COL6A2: variants seen among roughly 807,000 people sequenced by gnomAD.
COL6A2 encodes the protein collagen type VI alpha 2 chain.
COL6A2 carries 90 observed loss-of-function variants against 124.9 expected under a neutral mutation model. The ratio of observed to expected loss-of-function variants is 0.72; its 90% CI spans 0.61 to 0.86. The LOEUF (loss-of-function observed/expected upper bound fraction) is 0.86. Among genes scored for constraint, COL6A2 ranks in the 40% least tolerant of loss-of-function variants. The pLI is 0.00. For missense variants in COL6A2, 1,607 were observed against 1,502.5 expected (o/e 1.07, Z -1.15); for synonymous variants, 793 against 618.2 (o/e 1.28, Z -4.19).
At chr21:46,102,131 T>C (rs73159683) in intron 1 of COL6A2, among the ~76,000 whole-genome samples, 1 of 152,270 alleles carries the variant, frequency 6.6e-6, no homozygotes, top group Non-Finnish European at 1.5e-5. Context: ...AAGTCAATTT[T>C]TAAGTATTTT....
In COL6A2 at chr21:46,116,120, C is replaced by T. The variant is rs564061388; in HGVS notation, c.900+67C>T. 1.6e-5 allele frequency: 24 copies of T among 1,501,002 alleles called. No homozygotes were observed. Among genetic ancestry groups the T allele is most frequent in the African/African-American group, 5.5e-5 (4 of 72,172 alleles). The allele number at this position is 1,501,002 out of a possible 1,614,324, so 93.0% of individuals were successfully genotyped here. ...CCAGCACTGCCAGGCAGGCTCCCCCCAGCCCAGCCTCGGCCTCAGCCTCTA... is the reference window on the plus strand; with the variant it reads ...CCAGCACTGCCAGGCAGGCTCCCCCTAGCCCAGCCTCGGCCTCAGCCTCTA... On this transcript the variant is annotated intron_variant, in intron 7 of 27. Transcript: ENST00000300527. The surrounding 1 kb of genome is among the most constrained non-coding windows in gnomAD (Gnocchi z 4.6).
intron 27 of COL6A2, among the ~76,000 whole-genome samples, chr21:46,131,017 C>G (rs2839121): frequency 0.25 from 37,589 of 152,134 alleles, 5,783 homozygotes; most frequent in African/African-American, 0.44. Flanking sequence ...CCAGGGCCCC[C>G]AGAAACCGAG....
chr21:46,127,903 C>T (rs1282192437), intron 27 of COL6A2, among the ~76,000 whole-genome samples: 2 of 152,206 alleles, frequency 1.3e-5, no homozygotes, highest in Admixed American at 1.3e-4. Context: ...ATTGAATTTC[C>T]AGTGTTGAGC....
chr21:46,116,891 C>G lies in COL6A2; in HGVS notation c.999+77C>G. 2 of 1,427,372 alleles carry G rather than the reference C, an allele frequency of 1.4e-6. No individual in the cohort carries two copies. Among genetic ancestry groups the G allele is most frequent in the Non-Finnish European group, 2.0e-6 (2 of 1,014,256 alleles). 88.4% of individuals were successfully genotyped at this position (1,427,372 alleles called of 1,614,324 possible). A position where few individuals can be genotyped will look rare whatever the true frequency, so the allele number is the denominator to read the frequency against. On this transcript the variant is annotated intron_variant, in intron 10 of 27. Coordinates refer to ENST00000300527, the MANE Select transcript of COL6A2 (RefSeq NM_001849.4). The surrounding 1 kb of genome is among the most constrained non-coding windows in gnomAD (Gnocchi z 4.6). Reference sequence around the variant, plus strand: ...GCCTCTGCAGGGCCCCCAGATCCAGCCTGATCTGTCAGCTTACACATGTGT... The same window carrying G: ...GCCTCTGCAGGGCCCCCAGATCCAGGCTGATCTGTCAGCTTACACATGTGT...
Position 46,132,313 on chromosome 21 carries a change from G to T in COL6A2, c.2821G>T (p.Glu941Ter). ...GCGTGGCGGGGCCCGGAGGCACGCA[G>T]AGCTGTCCTTCGTGTTCCTCACGGA... ...SPRGGARRHAELSFVFLTDGV... is the reference protein window; with the variant it reads ...SPRGGARRHA The change falls in exon 28 of 28, where the codon GAG becomes TAG. Residue 941 changes from glutamate (E) to a stop codon, truncating the protein, a stop_gained. Coordinates refer to ENST00000300527, the MANE Select transcript of COL6A2 (RefSeq NM_001849.4). LOFTEE classifies it high-confidence loss of function. 2 of 1,607,084 alleles carry T rather than the reference G, an allele frequency of 1.2e-6. No individual in the cohort carries two copies.
intron 20 of COL6A2, 48 bp downstream of exon 20, chr21:46,122,579 C>T: frequency 2.5e-6 from 4 of 1,597,054 alleles, no homozygotes; most frequent in Non-Finnish European, 3.4e-6. Flanking sequence ...TGGGGGTCTG[C>T]ACGCCCAATT....
Position 46,125,328 on chromosome 21 carries a change from G to T in COL6A2, c.1816+17G>T, listed in dbSNP as rs746141660. The T allele has an allele frequency of 2.0e-6, 3 of 1,492,766 alleles. No individual in the cohort carries two copies. The highest frequency in any genetic ancestry group is 1.7e-5 in the Admixed American group (1 of 57,216). The allele number at this position is 1,492,766 out of a possible 1,614,324, so 92.5% of individuals were successfully genotyped here. On this transcript the variant is annotated intron_variant, in intron 24 of 27. Coordinates refer to ENST00000300527, the MANE Select transcript of COL6A2 (RefSeq NM_001849.4). ...GGTGCTGCGGTGAGGCACTGCCCAC[G>T]GCAGGGTCGGGGCCCATGCACCGGG... is the stretch of plus-strand genomic sequence containing the variant.
rs114008288 is a variant in COL6A2, at chr21:46,114,130, T to C, written c.801+57T>C. The C allele has an allele frequency of 8.6e-3, 12,838 of 1,490,652 alleles. 561 individuals carry two copies. Among genetic ancestry groups the C allele is most frequent in the South Asian group, 0.081 (7,156 of 88,588 alleles). 92.3% of individuals were successfully genotyped at this position (1,490,652 alleles called of 1,614,324 possible). On this transcript the variant is annotated intron_variant, in intron 5 of 27. Coordinates refer to ENST00000300527, the MANE Select transcript of COL6A2 (RefSeq NM_001849.4). ...GCTACCAGGAAGCCCCTGATTTGTT[T>C]TGAAATCCACACTTGGCCGGGCGTG...
intron 4 of COL6A2, 107 bp downstream of exon 4, chr21:46,112,931 G>A (rs2078425438): frequency 1.4e-6 from 2 of 1,424,112 alleles, no homozygotes; most frequent in South Asian, 1.2e-5. Context: ...ACAGATGAGA[G>A]GAGAGGGAGT....
chr21:46,132,042 C>G lies in COL6A2; in HGVS notation c.2550C>G (p.His850Gln), dbSNP rs1220536956. ...AGCGGCTGGGTGAGCAGAACTTCCA[C>G]AAGGCCCGGCGCTTCGTGGAGCAGG... is the stretch of plus-strand genomic sequence containing the variant. ...GSERLGEQNF[H>Q]KARRFVEQVA... The change falls in exon 28 of 28, where the codon CAC becomes CAG. Residue 850 changes from histidine (H) to glutamine (Q), a missense_variant. By Grantham distance (24) the His-to-Gln change is conservative. Transcript: ENST00000300527. 2 of 1,608,054 alleles carry G rather than the reference C, an allele frequency of 1.2e-6. No individual in the cohort carries two copies. The highest frequency in any genetic ancestry group is 1.7e-5 in the Admixed American group (1 of 59,880).
chr21:46,126,465 T>C lies in COL6A2; in HGVS notation c.2423-38T>C, dbSNP rs761396650. 4 of 1,596,520 alleles carry C rather than the reference T, an allele frequency of 2.5e-6. No individual in the cohort carries two copies. In the Admixed American group the frequency reaches 6.7e-5, roughly 27 times the overall value. ...CGGCCGCTGAGGGTTCGCTAGGGAC[T>C]GACCCTGGCCTGGCCCGGCCTCTCT... is the stretch of plus-strand genomic sequence containing the variant. On this transcript the variant is annotated intron_variant, in intron 26 of 27. Transcript: ENST00000300527.
chr21:46,115,828 G>A (rs745955750), intron 5 of COL6A2, 44 bp from the exon 6 acceptor site: 14 of 1,594,002 alleles, frequency 8.8e-6, no homozygotes, highest in Admixed American at 5.0e-5. Flanking sequence ...GCTGCCTACC[G>A]CCCACCCTAC....
At chr21:46,131,498 GTT>G (rs1568946685) in intron 27 of COL6A2, among the ~76,000 whole-genome samples, 1 of 152,232 alleles carries the variant, frequency 6.6e-6, no homozygotes, top group Non-Finnish European at 1.5e-5. Flanking sequence ...AGCTCTAGGT[GTT>G]CTGAGCAGCT....
chr21:46,102,676 T>C (rs1353048295), intron 1 of COL6A2, among the ~76,000 whole-genome samples: 2 of 151,674 alleles, frequency 1.3e-5, no homozygotes, highest in African/African-American at 4.8e-5. Flanking sequence ...TTTTCCTCCT[T>C]CATTCTGTTA....
chr21:46,115,580 G>A (rs372164318), intron 5 of COL6A2, among the ~76,000 whole-genome samples: 5 of 152,222 alleles, frequency 3.3e-5, no homozygotes, highest in East Asian at 1.9e-4. Flanking sequence ...GCTACTGGGT[G>A]CAGAAGGGAC....
intron 4 of COL6A2, 48 bp downstream of exon 4, chr21:46,112,872 G>A: frequency 6.2e-7 from 1 of 1,612,694 alleles, no homozygotes; most frequent in Non-Finnish European, 8.5e-7. Flanking sequence ...AGCTGACCCA[G>A]CAGAGATGAC....
chr21:46,117,599 C>G lies in COL6A2; in HGVS notation c.1053+146C>G, dbSNP rs920428169. 25 of 900,216 alleles carry G rather than the reference C, an allele frequency of 2.8e-5. No homozygotes were observed. In the African/African-American group the frequency reaches 3.8e-4, roughly 14 times the overall value. The allele number at this position is 900,216 out of a possible 1,614,324, so 55.8% of individuals were successfully genotyped here. Reference sequence around the variant, plus strand: ...AGCCCAGCAGCCCCAGCCCAGCATTCTGCCGGGTCGGAGTCATGTGAGGAA... The same window carrying G: ...AGCCCAGCAGCCCCAGCCCAGCATTGTGCCGGGTCGGAGTCATGTGAGGAA... On this transcript the variant is annotated intron_variant, in intron 11 of 27. Coordinates refer to ENST00000300527, the MANE Select transcript of COL6A2 (RefSeq NM_001849.4).
At chr21:46,121,026 TCAAGAGAACCC>T in intron 16 of COL6A2, 24 bp from the exon 17 acceptor site, 1 of 1,605,670 alleles carries the variant, frequency 6.2e-7, no homozygotes, top group Non-Finnish European at 8.5e-7. Context: ...CTGCTGTCAG[TCAAGAGAACCC>T]CAAATTCCTC....
intron 5 of COL6A2, among the ~76,000 whole-genome samples, chr21:46,115,118 C>A (rs1412777472): frequency 1.3e-5 from 2 of 152,242 alleles, no homozygotes; most frequent in Non-Finnish European, 2.9e-5. Flanking sequence ...CCACTTGGGG[C>A]AGCCTTGGCT....
Sources: allele counts gnomAD v4.1 joint callset (sites outside exome capture counted in the v4.1 genomes callset), GRCh38; gene constraint gnomAD v4.1.1; non-coding constraint Gnocchi (gnomAD v3.1); transcripts MANE v1.5; gene names NCBI Gene and HGNC (gene_info 2026-07-23, HGNC 2026-07-21).